Variants in SPOCD1 observed in about 807,000 individuals in gnomAD.
The protein encoded by SPOCD1 is SPOC domain-containing protein 1.
A neutral mutation model predicts 92.2 loss-of-function variants in SPOCD1; 64 were observed. The observed-to-expected ratio is 0.69, with a 90% CI of 0.57 to 0.86. SPOCD1 has a LOEUF of 0.86. Among genes scored for constraint, SPOCD1 ranks in the 40% least tolerant of loss-of-function variants. The probability of loss-of-function intolerance (pLI) is 0.00; values close to 1 mark genes in which losing one functional copy is unlikely to be tolerated. For missense variants in SPOCD1, 1,360 were observed against 1,543.1 expected, an observed-to-expected ratio of 0.88 and a Z score of 1.99; for synonymous variants, 578 against 619.3, an observed-to-expected ratio of 0.93 and a Z score of 0.99.
At position 31,800,156 on chromosome 1, in the gene SPOCD1, C is replaced by T; in HGVS notation, c.1603-15G>A. 6.3e-7 allele frequency: 1 copy of T among 1,584,054 alleles called. No homozygotes were observed. Among genetic ancestry groups the T allele is most frequent in the South Asian group, 1.1e-5 (1 of 87,986 alleles). Reference sequence around the variant, plus strand: ...GGCTGGAAAACCTTGGGGCAGGGAGCAGACAAGCTATTGGCCGGAAATGGA... The same window carrying T: ...GGCTGGAAAACCTTGGGGCAGGGAGTAGACAAGCTATTGGCCGGAAATGGA... On this transcript the variant is annotated splice_polypyrimidine_tract_variant and intron_variant, in intron 4 of 15. Transcript: ENST00000360482.
At chr1:31,799,296 G>T in intron 7 of SPOCD1, 105 bp downstream of exon 7, 1 of 1,009,732 alleles carries the variant, frequency 9.9e-7, no homozygotes, top group Non-Finnish European at 1.5e-6. Context: ...ACCAAATGGG[G>T]TTAGCCAGAC....
intron 3 of SPOCD1, 51 bp from the exon 4 acceptor site, chr1:31,800,668 G>A (rs762200246): frequency 1.4e-5 from 20 of 1,476,774 alleles, no homozygotes; most frequent in South Asian, 5.1e-5. Context: ...CGCTGTCCCC[G>A]CCTTCAGAGT....
chr1:31,791,204 T>C lies in SPOCD1; in HGVS notation c.3050A>G (p.Lys1017Arg), dbSNP rs772363445. 5 of 1,609,254 alleles carry C rather than the reference T, an allele frequency of 3.1e-6. No individual in the cohort carries two copies. The highest frequency in any genetic ancestry group is 2.2e-5 in the East Asian group (1 of 44,788). Residue 1017 changes from lysine to arginine, a missense_variant, in exon 16 of 16, where the codon AAG (lysine) becomes AGG (arginine). Lys to Arg is a conservative substitution (Grantham distance 26). Coordinates refer to ENST00000360482, the MANE Select transcript of SPOCD1 (RefSeq NM_144569.7). Reference sequence around the variant, plus strand: ...CCCTGCTGTGTCTGGAAGCCCTTCCTTGGGGAGCAGCACAGCCAGCAACAG... The same window carrying C: ...CCCTGCTGTGTCTGGAAGCCCTTCCCTGGGGAGCAGCACAGCCAGCAACAG... The part of the protein sequence containing the change: ...SSLLLAVLLP[K>R]EGLPDTAGSS...
In SPOCD1 at chr1:31,796,679, A is replaced by G; in HGVS notation, c.2182T>C (p.Cys728Arg). Residue 728 changes from cysteine (C) to arginine (R), a missense_variant, in exon 10 of 16, where the codon TGC becomes CGC. Physicochemically the swap from Cys to Arg is radical, Grantham distance 180 (BLOSUM62 -3). This residue lies in a region of SPOCD1 where 614 missense variants were observed against 757.8 expected (regional missense o/e 0.81). Coordinates refer to ENST00000360482, the MANE Select transcript of SPOCD1 (RefSeq NM_144569.7). ...NIIEQQQKEP[C>R]RLPASKMTHK... ...GTCATTTTGGAGGCTGGAAGTCTGC[A>G]CGGCTCCTTCTGTTGCTGCTCAATG... 4.3e-6 allele frequency: 7 copies of G among 1,614,224 alleles called. No individual in the cohort carries two copies. The highest frequency in any genetic ancestry group is 5.1e-6 in the Non-Finnish European group (6 of 1,180,026).
chr1:31,800,668 G>C (rs762200246), intron 3 of SPOCD1, 51 bp from the exon 4 acceptor site: 1 of 1,476,902 alleles, frequency 6.8e-7, no homozygotes, highest in Non-Finnish European at 9.2e-7. Context: ...CGCTGTCCCC[G>C]CCTTCAGAGT....
At chr1:31,801,589 G>C (rs946322185) in intron 3 of SPOCD1, 75 bp downstream of exon 3, 1 of 1,385,548 alleles carries the variant, frequency 7.2e-7, no homozygotes. Flanking sequence ...CACATCTACT[G>C]TGGAGGAGCC....
chr1:31,810,432 T>TA (rs1649124987), intron 2 of SPOCD1, among the ~76,000 whole-genome samples: 1 of 150,720 alleles, frequency 6.6e-6, no homozygotes, highest in Non-Finnish European at 1.5e-5. Flanking sequence ...CAGCTTACTA[T>TA]AGCCTTGACC....
rs1382384364 is a variant in SPOCD1, at chr1:31,790,922, C to T, written c.3332G>A (p.Trp1111Ter). 2.5e-6 allele frequency: 4 copies of T among 1,581,050 alleles called. No individual in the cohort carries two copies. The highest frequency in any genetic ancestry group is 3.4e-6 in the Non-Finnish European group (4 of 1,164,442). The change falls in exon 16 of 16, where the codon TGG (tryptophan) becomes TAG (stop). Residue 1111 changes from tryptophan to a stop codon, truncating the protein, a stop_gained. Coordinates refer to ENST00000360482, the MANE Select transcript of SPOCD1 (RefSeq NM_144569.7). LOFTEE classifies it low-confidence loss of function (END_TRUNC). ...ENWQHPGRGQ[W>*]PPEPGLRQSQ... ...CTGGCGCAAGCCTGGCTCTGGGGGCCACTGCCCTCGCCCAGGATGCTGCCA... is the reference window on the plus strand; with the variant it reads ...CTGGCGCAAGCCTGGCTCTGGGGGCTACTGCCCTCGCCCAGGATGCTGCCA...
intron 2 of SPOCD1, among the ~76,000 whole-genome samples, chr1:31,807,392 A>G (rs1570192550): frequency 7.8e-3 from 1 of 128 alleles, no homozygotes; most frequent in African/African-American, 0.017. Flanking sequence ...CTGTCTCAAA[A>G]GGGGAGGGGA....
In SPOCD1 at chr1:31,793,344, C is replaced by T. The variant is rs1647748661; in HGVS notation, c.2619G>A (p.Met873Ile). ...TGGCCCGGAACCGCTTGATGGAGAA[C>T]ATGTCCAGAACACCTTCCCAGGGTG... ...CLPPWEGVLDMFSIKRFRARA... is the reference protein window; with the variant it reads ...CLPPWEGVLDIFSIKRFRARA... The change falls in exon 13 of 16, where the codon ATG (methionine) becomes ATA (isoleucine). Residue 873 changes from methionine to isoleucine, a missense_variant. Coordinates refer to ENST00000360482, the MANE Select transcript of SPOCD1 (RefSeq NM_144569.7). 1.9e-6 allele frequency: 3 copies of T among 1,591,856 alleles called. No individual in the cohort carries two copies. Among genetic ancestry groups the T allele is most frequent in the East Asian group, 2.3e-5 (1 of 43,852 alleles).
Position 31,814,729 on chromosome 1 carries a change from G to A in SPOCD1, c.605C>T (p.Pro202Leu), listed in dbSNP as rs769757838. The A allele has an allele frequency of 6.2e-6, 10 of 1,612,446 alleles. No homozygotes were observed. The highest frequency in any genetic ancestry group is 8.5e-6 in the Non-Finnish European group (10 of 1,179,372). ...RPLTSSPDPV[P>L]VRVRKKWRRQ... ...CCTCCATTTCTTTCTTACCCTCACA[G>A]GGACTGGGTCTGGTGAGGATGTCAG... Residue 202 changes from proline (P) to leucine (L), a missense_variant, in exon 2 of 16, where the codon CCT becomes CTT. Physicochemically the swap from Pro to Leu is moderately conservative, Grantham distance 98. Coordinates refer to ENST00000360482, the MANE Select transcript of SPOCD1 (RefSeq NM_144569.7). This position sits in a 1 kb window ranked among gnomAD's most constrained non-coding sequence, Gnocchi z 4.2.
Position 31,791,283 on chromosome 1 carries a change from C to T in SPOCD1, c.2971G>A (p.Ala991Thr). Residue 991 changes from alanine to threonine, a missense_variant, in exon 16 of 16, where the codon GCT (alanine) becomes ACT (threonine). By Grantham distance (58) the Ala-to-Thr change is moderately conservative. Transcript: ENST00000360482. ...LRPLGGPGLW[A>T]LPVSPLLSPG... ...GAAAGGAGAGGGGAGACAGGAAGAG[C>T]CCAAAGGCCTGCGGGGAAGAACTGT... is the stretch of plus-strand genomic sequence containing the variant. 2 of 1,525,438 alleles carry T rather than the reference C, an allele frequency of 1.3e-6. No homozygotes were observed. Among genetic ancestry groups the T allele is most frequent in the African/African-American group, 2.8e-5 (2 of 71,988 alleles). The allele number at this position is 1,525,438 out of a possible 1,614,324, so 94.5% of individuals were successfully genotyped here.
At position 31,804,985 on chromosome 1, in the gene SPOCD1, C is replaced by CTTTTTTTTTTTTTTTTTT. The variant is rs1207433481; in HGVS notation, c.1384-3281_1384-3280insAAAAAAAAAAAAAAAAAA. ...AAATTTCTTTTTTCTTTCTTTCTTT[C>CTTTTTTTTTTTTTTTTTT]TTTTTTTTTTTTTTGAGATGGAGTC... On this transcript the variant is annotated intron_variant, in intron 2 of 15. Transcript: ENST00000360482. Among the ~76,000 whole-genome samples, 555 of 105,778 alleles carry CTTTTTTTTTTTTTTTTTT rather than the reference C, an allele frequency of 5.2e-3. 9 individuals are homozygous for CTTTTTTTTTTTTTTTTTT. Among genetic ancestry groups the CTTTTTTTTTTTTTTTTTT allele is most frequent in the Non-Finnish European group, 7.1e-3 (386 of 54,268 alleles). 69.4% of individuals were successfully genotyped at this position (105,778 alleles called of 152,430 possible). A position where few individuals can be genotyped will look rare whatever the true frequency, so the allele number is the denominator to read the frequency against.
At position 31,796,982 on chromosome 1, in the gene SPOCD1, G is replaced by A. The variant is rs140511938; in HGVS notation, c.2146-267C>T. On this transcript the variant is annotated intron_variant, in intron 9 of 15. Transcript: ENST00000360482. ...CTCACAGGTCAATTCAACCTCTGAC[G>A]GTACCTCATCCTTTTCTGGGAAGGG... Among the ~76,000 whole-genome samples, 644 of 152,234 alleles carry A rather than the reference G, an allele frequency of 4.2e-3. 3 individuals are homozygous for A. The highest frequency in any genetic ancestry group is 0.014 in the African/African-American group (593 of 41,540).
intron 2 of SPOCD1, among the ~76,000 whole-genome samples, chr1:31,805,063 C>A (rs529112088): frequency 6.8e-6 from 1 of 147,060 alleles, no homozygotes; most frequent in East Asian, 2.0e-4. Flanking sequence ...CTCACTGCAA[C>A]CTCCACTTCC....
chr1:31,794,265 G>A (rs763168864), intron 10 of SPOCD1, 30 bp from the exon 11 acceptor site: 1 of 1,576,258 alleles, frequency 6.3e-7, no homozygotes, highest in Admixed American at 1.7e-5. Flanking sequence ...GGGGCAGGCT[G>A]AAAACGTGGC....
chr1:31,798,626 G>A lies in SPOCD1; in HGVS notation c.1869-25C>T, dbSNP rs1158456117. ...GCTGTGGAGGCCAGGGCAGGGCGGG[G>A]GCACTGAGCCCAGGAGGCTCTCCAG... On this transcript the variant is annotated intron_variant, in intron 7 of 15. Coordinates refer to ENST00000360482, the MANE Select transcript of SPOCD1 (RefSeq NM_144569.7). The surrounding 1 kb of genome is among the most constrained non-coding windows in gnomAD (Gnocchi z 4.1). 2 of 1,606,826 alleles carry A rather than the reference G, an allele frequency of 1.2e-6. No individual in the cohort carries two copies. Among genetic ancestry groups the A allele is most frequent in the Admixed American group, 1.7e-5 (1 of 58,990 alleles).
At chr1:31,812,397 AG>A (rs1173411444) in intron 2 of SPOCD1, among the ~76,000 whole-genome samples, 1 of 152,204 alleles carries the variant, frequency 6.6e-6, no homozygotes, top group Non-Finnish European at 1.5e-5. Flanking sequence ...GCTATGATGC[AG>A]GGCTCAGGAA....
chr1:31,812,351 CA>C, intron 2 of SPOCD1, among the ~76,000 whole-genome samples: 1 of 152,324 alleles, frequency 6.6e-6, no homozygotes, highest in Non-Finnish European at 1.5e-5. Flanking sequence ...CTCATCCCGA[CA>C]GCGCCTGTGC....
Sources: gnomAD v4.1 joint callset for allele counts (sites outside exome capture counted in the v4.1 genomes callset) on GRCh38, gnomAD v4.1.1 for gene constraint, gnomAD v4.1.1 regional missense constraint, Gnocchi (gnomAD v3.1) non-coding constraint, MANE v1.5 for transcripts, NCBI Gene and HGNC (gene_info 2026-07-23, HGNC 2026-07-21) for gene names.